Variants in FBXO30 observed in about 807,000 individuals in gnomAD.
The protein encoded by FBXO30 is F-box only protein 30.
FBXO30 carries 21 observed loss-of-function variants against 58.1 expected under a neutral mutation model. That is an observed-to-expected ratio of 0.36 (90% CI 0.26 to 0.52). The LOEUF (loss-of-function observed/expected upper bound fraction) is 0.52, where lower values mean the gene tolerates loss of function less well. Among genes scored for constraint, FBXO30 ranks in the 20% least tolerant of loss-of-function variants. The pLI is 0.93. For missense variants in FBXO30, 744 were observed against 897.3 expected (o/e 0.83, Z 2.18); for synonymous variants, 309 against 312.4 (o/e 0.99, Z 0.11).
chr6:145,804,304 G>T, intron 2 of FBXO30, 68 bp downstream of exon 2: 1 of 1,302,062 alleles, frequency 7.7e-7, no homozygotes, highest in Non-Finnish European at 1.1e-6. Context: ...GATATTAATT[G>T]TATTAATTCA....
At chr6:145,802,291 G>A (rs191085813) in intron 2 of FBXO30, among the ~76,000 whole-genome samples, 23 of 152,270 alleles carry the variant, frequency 1.5e-4, no homozygotes, top group African/African-American at 5.3e-4. Flanking sequence ...AAGATCACAA[G>A]ATCGAGAAAC....
Position 145,796,772 on chromosome 6 carries a change from C to CCTGGAGGCCTAGAAGGA in FBXO30, c.*3333_*3334insTCCTTCTAGGCCTCCAG. 6.6e-6 allele frequency: 1 copy of CCTGGAGGCCTAGAAGGA among 151,862 alleles called. No homozygotes were observed. The highest frequency in any genetic ancestry group is 1.5e-5 in the Non-Finnish European group (1 of 67,918). The allele number at this position is 151,862 out of a possible 1,614,324, so 9.4% of individuals were successfully genotyped here. On this transcript the variant is annotated 3_prime_UTR_variant, in exon 3 of 3. Coordinates refer to ENST00000237281, the MANE Select transcript of FBXO30 (RefSeq NM_032145.5). Reference sequence around the variant, plus strand: ...CTAAAACTAGTCAAATCTCCACAGGCAAAACTGTTATCGATATAGTAATAT... The same window carrying CCTGGAGGCCTAGAAGGA: ...CTAAAACTAGTCAAATCTCCACAGGCCTGGAGGCCTAGAAGGAAAAACTGTTATCGATATAGTAATAT...
At position 145,814,648 on chromosome 6, in the gene FBXO30, C is replaced by A. The variant is rs890520895; in HGVS notation, c.-62G>T. The A allele has an allele frequency of 3.3e-5, 5 of 152,132 alleles. No individual in the cohort carries two copies. The highest frequency in any genetic ancestry group is 6.6e-5 in the Admixed American group (1 of 15,234). The allele number at this position is 152,132 out of a possible 1,614,324, so 9.4% of individuals were successfully genotyped here. ...CGGCCCAGGCCCTAGCTGCCCTGGA[C>A]GCCGTGCCCAGCTGCTCCGCTCTGT... On this transcript the variant is annotated 5_prime_UTR_variant, in exon 1 of 3. Coordinates refer to ENST00000237281, the MANE Select transcript of FBXO30 (RefSeq NM_032145.5).
At position 145,798,700 on chromosome 6, in the gene FBXO30, G is replaced by A. The variant is rs1777914873; in HGVS notation, c.*1406C>T. 1 of 152,266 alleles carries A rather than the reference G, an allele frequency of 6.6e-6. No homozygotes were observed. 9.4% of individuals were successfully genotyped at this position (152,266 alleles called of 1,614,324 possible). On this transcript the variant is annotated 3_prime_UTR_variant, in exon 3 of 3. Coordinates refer to ENST00000237281, the MANE Select transcript of FBXO30 (RefSeq NM_032145.5). ...CAACCAAAACAAATCTTAAGCTTCA[G>A]AACTCTCTAATGCTTAAGGAACGCC... is the stretch of plus-strand genomic sequence containing the variant.
At position 145,806,254 on chromosome 6, in the gene FBXO30, A is replaced by C; in HGVS notation, c.152T>G (p.Leu51Arg). 6.2e-7 allele frequency: 1 copy of C among 1,614,104 alleles called. No homozygotes were observed. The highest frequency in any genetic ancestry group is 8.5e-7 in the Non-Finnish European group (1 of 1,180,000). ...FHSCKADEHRLLCPFERVPCL... is the reference protein window; with the variant it reads ...FHSCKADEHRRLCPFERVPCL... ...AGGCACTCGTTCAAATGGACATAAA[A>C]GTCGATGCTCATCAGCTTTACAAGA... is the stretch of plus-strand genomic sequence containing the variant. Residue 51 changes from leucine (L) to arginine (R), a missense_variant, in exon 2 of 3, where the codon CTT becomes CGT. Transcript: ENST00000237281.
rs1339938345 is a variant in FBXO30 at position 145,798,966 on chromosome 6, T to C, written c.*1140A>G. The C allele has an allele frequency of 1.3e-5, 2 of 152,048 alleles. No homozygotes were observed. The highest frequency in any genetic ancestry group is 6.6e-5 in the Admixed American group (1 of 15,244). The allele number at this position is 152,048 out of a possible 1,614,324, so 9.4% of individuals were successfully genotyped here. A position where few individuals can be genotyped will look rare whatever the true frequency, so the allele number is the denominator to read the frequency against. ...TTTTAAGCAGACCACATCAGGTTAA[T>C]AATGGTATAAATCAATTTGAAAACT... On this transcript the variant is annotated 3_prime_UTR_variant, in exon 3 of 3. Transcript: ENST00000237281.
At chr6:145,813,967 G>A (rs1248153156) in intron 1 of FBXO30, among the ~76,000 whole-genome samples, 1 of 152,082 alleles carries the variant, frequency 6.6e-6, no homozygotes, top group Non-Finnish European at 1.5e-5. Flanking sequence ...AATTCAGCAC[G>A]CGCTCTATAA....
chr6:145,801,182 C>T (rs977254392), intron 2 of FBXO30, among the ~76,000 whole-genome samples: 6 of 152,084 alleles, frequency 3.9e-5, no homozygotes, highest in Admixed American at 2.0e-4. Flanking sequence ...AGATAACAAG[C>T]ATGAATGGGG....
Position 145,805,258 on chromosome 6 carries a change from A to G in FBXO30, c.1148T>C (p.Phe383Ser). 1 of 1,614,072 alleles carries G rather than the reference A, an allele frequency of 6.2e-7. No homozygotes were observed. The highest frequency in any genetic ancestry group is 8.5e-7 in the Non-Finnish European group (1 of 1,179,950). Residue 383 changes from phenylalanine to serine, a missense_variant, in exon 2 of 3, where the codon TTC becomes TCC. Transcript: ENST00000237281. ...AAAATTGAATGAAGGAGCATGACTG[A>G]AAGATAAGACATCCACATTCTTCAC... ...GDVKNVDVLS[F>S]SHAPSFNFLS... is the part of the protein sequence containing the mutation.
Position 145,805,851 on chromosome 6 carries a change from A to G in FBXO30, c.555T>C (p.Ala185=). The G allele has an allele frequency of 6.2e-7, 1 of 1,614,076 alleles. No homozygotes were observed. The change falls in exon 2 of 3, where the codon GCT becomes GCC. Residue 185 remains alanine, a synonymous_variant. Coordinates refer to ENST00000237281, the MANE Select transcript of FBXO30 (RefSeq NM_032145.5). ...DEESYGALYQ[A]TVETTRSLAA... The stretch of plus-strand genomic sequence containing the variant: ...CCAAACTTCTGGTTGTTTCTACAGT[A>G]GCTTGATAAAGTGCACCATAAGATT...
chr6:145,811,017 T>C (rs1280694499), intron 1 of FBXO30, among the ~76,000 whole-genome samples: 1 of 152,178 alleles, frequency 6.6e-6, no homozygotes, highest in African/African-American at 2.4e-5. Flanking sequence ...ACATACTGTC[T>C]TTTTCCTTGG....
Position 145,798,281 on chromosome 6 carries a change from A to C in FBXO30, c.*1825T>G, listed in dbSNP as rs2128664087. ...CAAAATGGTATGGTGGCATAACAAT[A>C]ACAAAAAAGAGAACAGCAAAATGTG... On this transcript the variant is annotated 3_prime_UTR_variant, in exon 3 of 3. Transcript: ENST00000237281. 6.6e-6 allele frequency: 1 copy of C among 152,216 alleles called. No individual in the cohort carries two copies. The highest frequency in any genetic ancestry group is 1.5e-5 in the Non-Finnish European group (1 of 67,964). The allele number at this position is 152,216 out of a possible 1,614,324, so 9.4% of individuals were successfully genotyped here.
At chr6:145,809,033 A>C (rs1252221223) in intron 1 of FBXO30, among the ~76,000 whole-genome samples, 1 of 152,200 alleles carries the variant, frequency 6.6e-6, no homozygotes, top group African/African-American at 2.4e-5. Context: ...ATGTCAAAGA[A>C]AAGACAAGGT....
chr6:145,801,790 C>T (rs930835285), intron 2 of FBXO30, among the ~76,000 whole-genome samples: 9 of 152,054 alleles, frequency 5.9e-5, no homozygotes, highest in Non-Finnish European at 1.3e-4. Context: ...TACCATTCCC[C>T]ATGCTCACAA....
intron 1 of FBXO30, among the ~76,000 whole-genome samples, chr6:145,811,779 AACTATAG>A: frequency 6.6e-6 from 1 of 152,346 alleles, no homozygotes; most frequent in East Asian, 1.9e-4. Context: ...GCTGATATAA[AACTATAG>A]ACAGATTTGT....
At chr6:145,813,628 C>A (rs1778397099) in intron 1 of FBXO30, among the ~76,000 whole-genome samples, 1 of 152,096 alleles carries the variant, frequency 6.6e-6, no homozygotes, top group South Asian at 2.1e-4. Flanking sequence ...CTCTAAAGAA[C>A]AAACAGTATT....
intron 2 of FBXO30, 70 bp from the exon 3 acceptor site, chr6:145,800,379 T>C (rs1777959205): frequency 8.0e-7 from 1 of 1,246,126 alleles, no homozygotes; most frequent in African/African-American, 1.5e-5. Flanking sequence ...TTTTTGCTCC[T>C]ACTGCATACA....
At chr6:145,812,630 C>A (rs1228521075) in intron 1 of FBXO30, among the ~76,000 whole-genome samples, 2 of 152,092 alleles carry the variant, frequency 1.3e-5, no homozygotes, top group African/African-American at 2.4e-5. Flanking sequence ...TCGATTTGCA[C>A]AACAGCCACA....
intron 2 of FBXO30, among the ~76,000 whole-genome samples, chr6:145,803,639 A>G (rs17822170): frequency 1.3e-5 from 2 of 152,202 alleles, no homozygotes; most frequent in Non-Finnish European, 2.9e-5. Flanking sequence ...GAAGCTGAGC[A>G]AAAGTAGGGT....
Sources: allele counts gnomAD v4.1 joint callset (sites outside exome capture counted in the v4.1 genomes callset), GRCh38; gene constraint gnomAD v4.1.1; transcripts MANE v1.5; gene names NCBI Gene and HGNC (gene_info 2026-07-23, HGNC 2026-07-21).